Variants in INTS9 observed in about 807,000 individuals in gnomAD.
INTS9 encodes the protein protein related to CPSF subunits of 74 kDa.
Under a neutral mutation model 79.7 loss-of-function variants are expected in INTS9, and 55 were observed. The observed-to-expected ratio is 0.69, with a 90% CI of 0.56 to 0.86. The LOEUF is 0.86. Ranked by LOEUF, INTS9 falls within the 40% of genes least tolerant of loss-of-function variation. INTS9 has a pLI of 0.00. For synonymous variants in INTS9, 319 were observed against 325.2 expected (o/e 0.98, Z 0.20); for missense variants, 721 against 831.5 (o/e 0.87, Z 1.64).
intron 1 of INTS9, among the ~76,000 whole-genome samples, chr8:28,881,265 C>T (rs1464432677): frequency 4.0e-5 from 6 of 149,628 alleles, no homozygotes; most frequent in African/African-American, 7.4e-5. Flanking sequence ...GGGGTCAGCC[C>T]CCCGCCCGGC....
At chr8:28,876,656 C>T (rs1372934712) in intron 1 of INTS9, among the ~76,000 whole-genome samples, 1 of 151,832 alleles carries the variant, frequency 6.6e-6, no homozygotes, top group African/African-American at 2.4e-5. Flanking sequence ...ACGTATAAGC[C>T]ACTGCAATTA....
chr8:28,850,597 T>C (rs990951008), intron 2 of INTS9, among the ~76,000 whole-genome samples: 2 of 152,238 alleles, frequency 1.3e-5, no homozygotes, highest in African/African-American at 4.8e-5. Flanking sequence ...TTCTTTCCCA[T>C]GTGTTTGACA....
chr8:28,872,136 A>G (rs1341654091), intron 1 of INTS9, among the ~76,000 whole-genome samples: 1 of 152,208 alleles, frequency 6.6e-6, no homozygotes, highest in Non-Finnish European at 1.5e-5. Flanking sequence ...GTAAAAACTA[A>G]AGCAGTCCTG....
At chr8:28,797,429 T>C (rs1804285751) in intron 8 of INTS9, among the ~76,000 whole-genome samples, 1 of 152,156 alleles carries the variant, frequency 6.6e-6, no homozygotes, top group Admixed American at 6.5e-5. Flanking sequence ...CTGAGCTGGA[T>C]TTCCTATAAA....
At chr8:28,831,718 A>G (rs1179535317) in intron 6 of INTS9, among the ~76,000 whole-genome samples, 1 of 152,008 alleles carries the variant, frequency 6.6e-6, no homozygotes, top group Non-Finnish European at 1.5e-5. Context: ...CCTTTTTTTT[A>G]GACAGAGTCT....
At chr8:28,881,476 AGG>A (rs775019090) in intron 1 of INTS9, among the ~76,000 whole-genome samples, 5 of 35,950 alleles carry the variant, frequency 1.4e-4, no homozygotes, top group African/African-American at 3.7e-4. Context: ...GGGAGGGGGG[AGG>A]GGGGGGTCAG....
At chr8:28,813,854 G>A (rs1311588824) in intron 6 of INTS9, among the ~76,000 whole-genome samples, 7 of 151,940 alleles carry the variant, frequency 4.6e-5, no homozygotes, top group Non-Finnish European at 7.4e-5. Flanking sequence ...TCCACCTCCC[G>A]GGTTCAAGCG....
At chr8:28,776,433 TTTTTTTG>T (rs772641760) in intron 13 of INTS9, among the ~76,000 whole-genome samples, 7,224 of 98,920 alleles carry the variant, frequency 0.073, 644 homozygotes, top group East Asian at 0.46. Context: ...CAGAGTTTTT[TTTTTTTG>T]TTTTTTTTTT....
chr8:28,772,892 A>T (rs1365082716), intron 14 of INTS9, among the ~76,000 whole-genome samples: 5 of 152,242 alleles, frequency 3.3e-5, no homozygotes, highest in Non-Finnish European at 7.3e-5. Flanking sequence ...TAAAATTGGA[A>T]AATAACTAAA....
chr8:28,869,450 C>A (rs1808949267), intron 1 of INTS9, among the ~76,000 whole-genome samples: 1 of 152,190 alleles, frequency 6.6e-6, no homozygotes, highest in South Asian at 2.1e-4. Context: ...TCAGTAAATG[C>A]AGCTCACTAG....
chr8:28,809,198 AT>A (rs1452137373), intron 8 of INTS9, among the ~76,000 whole-genome samples: 4 of 152,116 alleles, frequency 2.6e-5, no homozygotes, highest in African/African-American at 9.7e-5. Flanking sequence ...GGCTCAAGCA[AT>A]CATCTTGCCT....
intron 8 of INTS9, among the ~76,000 whole-genome samples, chr8:28,802,263 C>T (rs769074630): frequency 3.3e-5 from 5 of 152,158 alleles, no homozygotes; most frequent in African/African-American, 1.2e-4. Flanking sequence ...AAATAAAAAG[C>T]GAAGTCTGTG....
chr8:28,804,112 C>T (rs1038676923), intron 8 of INTS9, among the ~76,000 whole-genome samples: 4 of 152,050 alleles, frequency 2.6e-5, no homozygotes, highest in South Asian at 4.2e-4. Flanking sequence ...TTTGTAGAGA[C>T]GGGGTCCCAC....
chr8:28,852,540 C>T (rs1027348254), intron 2 of INTS9, among the ~76,000 whole-genome samples: 17 of 152,130 alleles, frequency 1.1e-4, no homozygotes, highest in African/African-American at 3.1e-4. Context: ...GGACACTGTT[C>T]TTATTTCATG....
At chr8:28,835,830 C>CA in intron 5 of INTS9, among the ~76,000 whole-genome samples, 1 of 150,412 alleles carries the variant, frequency 6.6e-6, no homozygotes, top group Admixed American at 6.6e-5. Context: ...TTTTTTGAGA[C>CA]AGAGTTTCGT....
At chr8:28,863,582 C>A (rs2131307460) in intron 1 of INTS9, among the ~76,000 whole-genome samples, 1 of 152,248 alleles carries the variant, frequency 6.6e-6, no homozygotes, top group African/African-American at 2.4e-5. Flanking sequence ...TCAAGACCAG[C>A]CTGACCAATA....
intron 8 of INTS9, among the ~76,000 whole-genome samples, chr8:28,804,042 G>T (rs540957543): frequency 6.6e-6 from 1 of 152,254 alleles, no homozygotes; most frequent in Admixed American, 6.5e-5. Context: ...TCCCACCTCA[G>T]CATCCTGAGT....
chr8:28,778,383 C>T (rs972601319), intron 12 of INTS9, among the ~76,000 whole-genome samples: 1 of 152,180 alleles, frequency 6.6e-6, no homozygotes, highest in Non-Finnish European at 1.5e-5. Flanking sequence ...TTCAAAGAGT[C>T]CCCCACAAGG....
chr8:28,796,890 C>T (rs1346151027), intron 8 of INTS9: 1 of 432,236 alleles, frequency 2.3e-6, no homozygotes, highest in African/African-American at 1.9e-5. Context: ...TGTATCTTCA[C>T]TGGGGCACTG....
Sources: gnomAD v4.1 joint callset for allele counts (sites outside exome capture counted in the v4.1 genomes callset) on GRCh38, gnomAD v4.1.1 for gene constraint, MANE v1.5 for transcripts, NCBI Gene and HGNC (gene_info 2026-07-23, HGNC 2026-07-21) for gene names.